The following CNBD2 variants were observed in gnomAD, a reference collection of about 807,000 sequenced individuals.
The protein encoded by CNBD2 is cyclic nucleotide-binding domain-containing protein 2.
CNBD2 carries 64 observed loss-of-function variants against 63.7 expected under a neutral mutation model. The ratio of observed to expected loss-of-function variants is 1.00; its 90% CI spans 0.82 to 1.24. The LOEUF (loss-of-function observed/expected upper bound fraction) is 1.24, where lower values mean the gene tolerates loss of function less well. Among genes scored for constraint, CNBD2 ranks in the 50% most tolerant of loss-of-function variants. CNBD2 has a pLI of 0.00. For synonymous variants in CNBD2, 229 were observed against 255.4 expected, an observed-to-expected ratio of 0.90 and a Z score of 0.99; for missense variants, 691 against 713.5, an observed-to-expected ratio of 0.97 and a Z score of 0.36.
At chr20:36,011,888 C>A (rs2057066228) in intron 10 of CNBD2, among the ~76,000 whole-genome samples, 1 of 152,132 alleles carries the variant, frequency 6.6e-6, no homozygotes, top group African/African-American at 2.4e-5. Flanking sequence ...AACACAATAC[C>A]AGCTGGGCAC....
In CNBD2 at chr20:36,030,314, C is replaced by T. The variant is rs73095596; in HGVS notation, c.1440-43C>T. 6.5e-3 allele frequency: 10,342 copies of T among 1,596,778 alleles called. 54 individuals carry two copies. Among genetic ancestry groups the T allele is most frequent in the Non-Finnish European group, 7.5e-3 (8,758 of 1,167,256 alleles). ...GTGGCAGGAGGCAAGGCTGGAGGGGCGGGACTGGCATGAGAACCTCGGCTT... is the reference window on the plus strand; with the variant it reads ...GTGGCAGGAGGCAAGGCTGGAGGGGTGGGACTGGCATGAGAACCTCGGCTT... On this transcript the variant is annotated intron_variant, in intron 11 of 11. Coordinates refer to ENST00000373973, the MANE Select transcript of CNBD2 (RefSeq NM_001365709.1).
At position 35,976,009 on chromosome 20, in the gene CNBD2, A is replaced by G. The variant is rs1014201109; in HGVS notation, c.243+7A>G. 4 of 1,606,664 alleles carry G rather than the reference A, an allele frequency of 2.5e-6. No homozygotes were observed. The highest frequency in any genetic ancestry group is 2.2e-5 in the East Asian group (1 of 44,694). On this transcript the variant is annotated splice_region_variant and intron_variant, in intron 3 of 11. Transcript: ENST00000373973. Reference sequence around the variant, plus strand: ...GGACTTCATTGCAGAGGAGGTATGCATAGCTCGAAACTTGCTGTGGGGGAA... The same window carrying G: ...GGACTTCATTGCAGAGGAGGTATGCGTAGCTCGAAACTTGCTGTGGGGGAA...
intron 11 of CNBD2, 29 bp downstream of exon 11, chr20:36,023,800 A>G (rs1242641028): frequency 6.5e-7 from 1 of 1,534,222 alleles, no homozygotes; most frequent in East Asian, 2.4e-5. Flanking sequence ...CGTAAGTCCC[A>G]TCAGGTGAAA....
upstream of CNBD2, chr20:35,968,474 G>A (rs1481001149): frequency 1.2e-5 from 4 of 321,040 alleles, no homozygotes; most frequent in Non-Finnish European, 2.4e-5. Flanking sequence ...AGGATTAGCT[G>A]AGATAATGCC....
intron 8 of CNBD2, among the ~76,000 whole-genome samples, chr20:36,001,264 G>A (rs1423184227): frequency 6.6e-6 from 1 of 151,842 alleles, no homozygotes; most frequent in East Asian, 1.9e-4. Context: ...ACACCTCCCA[G>A]ACGGGGTGGT....
intron 9 of CNBD2, among the ~76,000 whole-genome samples, chr20:36,009,338 A>T (rs995511884): frequency 6.6e-6 from 1 of 151,420 alleles, no homozygotes; most frequent in Non-Finnish European, 1.5e-5. Context: ...AGTAGCTGGG[A>T]CTACAGGCAC....
rs372950798 is a variant in CNBD2, at chr20:36,002,440, G to A, written c.971-5857G>A. Among the ~76,000 whole-genome samples, 12 of 152,150 alleles carry A rather than the reference G, an allele frequency of 7.9e-5. No individual in the cohort carries two copies. The South Asian group carries it at 1.7e-3, about 21-fold the overall frequency. Reference sequence around the variant, plus strand: ...GGGGAGAGGGAGACGGAGAAGGAGAGGGAGAGGGAGAGCCTAATTTTTGTA... The same window carrying A: ...GGGGAGAGGGAGACGGAGAAGGAGAAGGAGAGGGAGAGCCTAATTTTTGTA... On this transcript the variant is annotated intron_variant, in intron 8 of 11. Coordinates refer to ENST00000373973, the MANE Select transcript of CNBD2 (RefSeq NM_001365709.1).
chr20:35,954,450 G>A (rs1338078060), upstream of CNBD2: 10 of 1,549,004 alleles, frequency 6.5e-6, no homozygotes, highest in Admixed American at 9.8e-5. Flanking sequence ...GAGCTTACCT[G>A]CACCAGCGAA....
chr20:36,010,968 C>G (rs1188479565), intron 9 of CNBD2, among the ~76,000 whole-genome samples, 169 bp from the exon 10 acceptor site: 2 of 152,164 alleles, frequency 1.3e-5, no homozygotes, highest in Admixed American at 1.3e-4. Flanking sequence ...CCTCCAATTC[C>G]TGACAATGGG....
intron 1 of CNBD2, among the ~76,000 whole-genome samples, chr20:35,971,238 G>A (rs564422157): frequency 6.6e-6 from 1 of 151,528 alleles, no homozygotes; most frequent in Non-Finnish European, 1.5e-5. Context: ...TGAGCCACCG[G>A]GCCCAGCCTG....
At chr20:35,983,848 G>A in intron 4 of CNBD2, 134 bp from the exon 5 acceptor site, 1 of 971,544 alleles carries the variant, frequency 1.0e-6, no homozygotes, top group Non-Finnish European at 1.6e-6. Flanking sequence ...GGGCTGGGCT[G>A]TCCTGAGGGC....
intron 7 of CNBD2, among the ~76,000 whole-genome samples, chr20:35,991,581 A>G (rs1381410797): frequency 6.6e-6 from 1 of 152,200 alleles, no homozygotes. Context: ...CTTTGATACT[A>G]TATAGCCAGA....
At chr20:36,017,823 C>T (rs564586445) in intron 10 of CNBD2, among the ~76,000 whole-genome samples, 2 of 152,300 alleles carry the variant, frequency 1.3e-5, no homozygotes, top group South Asian at 2.1e-4. Context: ...CTGGAAAGCC[C>T]TTCTGCCTGC....
At chr20:35,972,874 C>T (rs2056442235) in intron 2 of CNBD2, 108 bp downstream of exon 2, 4 of 1,061,648 alleles carry the variant, frequency 3.8e-6, no homozygotes, top group African/African-American at 3.2e-5. Flanking sequence ...AAAGGAAAAG[C>T]AGATGAGAGA....
At chr20:36,012,888 G>C (rs1211941193) in intron 10 of CNBD2, among the ~76,000 whole-genome samples, 1 of 151,024 alleles carries the variant, frequency 6.6e-6, no homozygotes, top group Non-Finnish European at 1.5e-5. Flanking sequence ...AATATTGCAT[G>C]ATTCCAATTC....
At chr20:35,954,467 G>A, upstream of CNBD2, 1 of 1,547,914 alleles carries the variant, frequency 6.5e-7, no homozygotes, top group Middle Eastern at 1.7e-4. Flanking sequence ...CGAAGCGCCT[G>A]CGGCAGCCGG....
At position 35,972,778 on chromosome 20, in the gene CNBD2, G is replaced by A. The variant is rs541849004; in HGVS notation, c.189+12G>A. ...TCTCCTTCTGGGATGTAAGCAGTTG[G>A]GCTCAGCAGGATTATGAGGGCTCAA... On this transcript the variant is annotated intron_variant, in intron 2 of 11. Transcript: ENST00000373973. 67 of 1,613,928 alleles carry A rather than the reference G, an allele frequency of 4.2e-5. No individual in the cohort carries two copies. The East Asian group carries it at 1.4e-3, about 34-fold the overall frequency.
Position 35,968,648 on chromosome 20 carries a change from T to G in CNBD2, c.-115T>G. 1.4e-6 allele frequency: 1 copy of G among 723,008 alleles called. No individual in the cohort carries two copies. The highest frequency in any genetic ancestry group is 2.2e-5 in the Admixed American group (1 of 45,258). 44.8% of individuals were successfully genotyped at this position (723,008 alleles called of 1,614,324 possible). On this transcript the variant is annotated 5_prime_UTR_variant, in exon 1 of 12. Coordinates refer to ENST00000373973, the MANE Select transcript of CNBD2 (RefSeq NM_001365709.1). ...GGAGGAGTGGAGTGGAGCTCTTGCCTTGTTACTGAGGAAATCTATTTGTTT... is the reference window on the plus strand; with the variant it reads ...GGAGGAGTGGAGTGGAGCTCTTGCCGTGTTACTGAGGAAATCTATTTGTTT...
rs1209659669 is a variant in CNBD2 at position 35,980,640 on chromosome 20, C to T, written c.407+18C>T. ...TTTGAACGGTCAGTGAGGGGCACAG[C>T]CCTTGGCCACCAGGCTGAGGCTGGA... On this transcript the variant is annotated intron_variant, in intron 4 of 11. Transcript: ENST00000373973. 6.2e-7 allele frequency: 1 copy of T among 1,611,226 alleles called. No individual in the cohort carries two copies. The highest frequency in any genetic ancestry group is 1.3e-5 in the African/African-American group (1 of 74,866).
Sources: gnomAD v4.1 joint callset for allele counts (sites outside exome capture counted in the v4.1 genomes callset) on GRCh38, gnomAD v4.1.1 for gene constraint, MANE v1.5 for transcripts, NCBI Gene and HGNC (gene_info 2026-07-23, HGNC 2026-07-21) for gene names.